The following ZFYVE9 variants were observed in gnomAD, a reference collection of about 807,000 sequenced individuals.
ZFYVE9 encodes zinc finger FYVE domain-containing protein 9.
ZFYVE9 carries 43 observed loss-of-function variants against 126.7 expected under a neutral mutation model. The ratio of observed to expected loss-of-function variants is 0.34; its 90% CI spans 0.27 to 0.44. The LOEUF is 0.44. Among genes scored for constraint, ZFYVE9 ranks in the 20% least tolerant of loss-of-function variants. The pLI, the probability that ZFYVE9 is intolerant of heterozygous loss-of-function variation, is 1.00. For synonymous variants in ZFYVE9, 521 were observed against 597.4 expected (o/e 0.87, Z 1.87); for missense variants, 1,476 against 1,697.0 (o/e 0.87, Z 2.29).
chr1:52,192,232 G>A (rs546175349), intron 1 of ZFYVE9, among the ~76,000 whole-genome samples: 1 of 152,264 alleles, frequency 6.6e-6, no homozygotes, highest in Non-Finnish European at 1.5e-5. Flanking sequence ...AAAAACATTT[G>A]AGTGCTTTTT....
intron 4 of ZFYVE9, among the ~76,000 whole-genome samples, chr1:52,244,535 A>C (rs1645365462): frequency 6.6e-6 from 1 of 152,190 alleles, no homozygotes; most frequent in South Asian, 2.1e-4. Context: ...GTGAAGGGTG[A>C]AATAGGGATA....
chr1:52,155,986 A>G (rs1444914983), intron 1 of ZFYVE9, among the ~76,000 whole-genome samples: 1 of 152,182 alleles, frequency 6.6e-6, no homozygotes, highest in Non-Finnish European at 1.5e-5. Context: ...TACCCCACCA[A>G]GTTCTTCAGT....
chr1:52,198,123 T>TA (rs1557451580), intron 1 of ZFYVE9, among the ~76,000 whole-genome samples: 1 of 119,604 alleles, frequency 8.4e-6, no homozygotes, highest in African/African-American at 3.4e-5. Flanking sequence ...TTTTTTTGTT[T>TA]GTTTTTTTTT....
intron 1 of ZFYVE9, among the ~76,000 whole-genome samples, chr1:52,176,754 C>G (rs2124532792): frequency 6.6e-6 from 1 of 152,332 alleles, no homozygotes. Context: ...GGCTGCTGTG[C>G]TAGCAATCAG....
At chr1:52,170,429 T>C (rs1489694311) in intron 1 of ZFYVE9, among the ~76,000 whole-genome samples, 1 of 152,158 alleles carries the variant, frequency 6.6e-6, no homozygotes, top group African/African-American at 2.4e-5. Context: ...CATTGATCTT[T>C]TGTATTGTTT....
chr1:52,164,633 T>TGTCC, intron 1 of ZFYVE9, among the ~76,000 whole-genome samples: 1 of 151,876 alleles, frequency 6.6e-6, no homozygotes, highest in East Asian at 1.9e-4. Context: ...TATATATCTT[T>TGTCC]GTCCGTCCGT....
At chr1:52,272,977 T>C (rs773728273) in intron 7 of ZFYVE9, among the ~76,000 whole-genome samples, 4 of 149,952 alleles carry the variant, frequency 2.7e-5, no homozygotes, top group Admixed American at 6.6e-5. Flanking sequence ...AATATTGTTA[T>C]ACATGTTAAA....
Position 52,325,050 on chromosome 1 carries a change from C to T in ZFYVE9, c.3439-7718C>T, listed in dbSNP as rs1452909843. Among the ~76,000 whole-genome samples, 10 of 152,086 alleles carry T rather than the reference C, an allele frequency of 6.6e-5. No homozygotes were observed. The South Asian group carries it at 1.2e-3, about 19-fold the overall frequency. ...ATCCCAACACTTTGGGAGGCTGAGG[C>T]GGGCGGATCATGAGGTCAGGAGATC... On this transcript the variant is annotated intron_variant, in intron 13 of 18. Transcript: ENST00000287727.
At chr1:52,155,844 TGCA>T (rs1572060317) in intron 1 of ZFYVE9, among the ~76,000 whole-genome samples, 1 of 152,332 alleles carries the variant, frequency 6.6e-6, no homozygotes, top group East Asian at 1.9e-4. Context: ...GGATGCAAGA[TGCA>T]GCAATTTGTC....
chr1:52,237,363 G>A (rs1008732295), intron 3 of ZFYVE9, 125 bp from the exon 4 acceptor site: 37 of 887,034 alleles, frequency 4.2e-5, no homozygotes, highest in South Asian at 1.9e-4. Flanking sequence ...TTTTAGCCCC[G>A]AATTAGAAAT....
chr1:52,269,884 C>A (rs1557492105), intron 7 of ZFYVE9, among the ~76,000 whole-genome samples: 1 of 151,946 alleles, frequency 6.6e-6, no homozygotes, highest in Non-Finnish European at 1.5e-5. Flanking sequence ...ACGTCCCAGG[C>A]TCAAGCAATC....
intron 7 of ZFYVE9, among the ~76,000 whole-genome samples, chr1:52,272,787 G>A (rs1306216327): frequency 1.4e-5 from 2 of 147,498 alleles, no homozygotes; most frequent in South Asian, 2.1e-4. Flanking sequence ...CTCCTGCCTC[G>A]GCCTCCCAAG....
intron 1 of ZFYVE9, among the ~76,000 whole-genome samples, chr1:52,193,856 G>A (rs1644837947): frequency 6.6e-6 from 1 of 152,042 alleles, no homozygotes; most frequent in African/African-American, 2.4e-5. Flanking sequence ...GTTAATGGGA[G>A]CATTCTTGGT....
At chr1:52,144,670 G>A (rs1289106983) in intron 1 of ZFYVE9, among the ~76,000 whole-genome samples, 1 of 150,764 alleles carries the variant, frequency 6.6e-6, no homozygotes, top group African/African-American at 2.4e-5. Context: ...CCAGCTCAAA[G>A]GATGTCATTT....
At chr1:52,338,299 A>T (rs538640923) in intron 16 of ZFYVE9, among the ~76,000 whole-genome samples, 141 of 152,364 alleles carry the variant, frequency 9.3e-4, no homozygotes, top group African/African-American at 3.3e-3. Context: ...TGAGTAAACA[A>T]GTACCAAAAG....
chr1:52,183,750 C>T (rs1391357105), intron 1 of ZFYVE9, among the ~76,000 whole-genome samples: 1 of 152,222 alleles, frequency 6.6e-6, no homozygotes, highest in Non-Finnish European at 1.5e-5. Flanking sequence ...AGGCAATCCA[C>T]CCGCCTCGGC....
chr1:52,238,093 G>C lies in ZFYVE9; in HGVS notation c.676G>C (p.Val226Leu), dbSNP rs773422957. The stretch of plus-strand genomic sequence containing the variant: ...TAGACCGAAAACAGAGGGGAGATCT[G>C]TTAACCATCTGTGTCCTACTTCATC... ...LNRPKTEGRS[V>L]NHLCPTSSDS... The change falls in exon 4 of 19, where the codon GTT becomes CTT. Residue 226 changes from valine (V) to leucine (L), a missense_variant. Transcript: ENST00000287727. 9 of 1,613,932 alleles carry C rather than the reference G, an allele frequency of 5.6e-6. No homozygotes were observed. The East Asian group carries it at 1.8e-4, about 32-fold the overall frequency.
rs1011649216 is a variant in ZFYVE9, at chr1:52,322,728, C to T, written c.3439-10040C>T. Among the ~76,000 whole-genome samples, 8 of 152,012 alleles carry T rather than the reference C, an allele frequency of 5.3e-5. No individual in the cohort carries two copies. The East Asian group carries it at 1.6e-3, about 30-fold the overall frequency. On this transcript the variant is annotated intron_variant, in intron 13 of 18. Coordinates refer to ENST00000287727, the MANE Select transcript of ZFYVE9 (RefSeq NM_004799.4). ...TATCACTCCTCTGCTTAAAACCTTC[C>T]ACAGATTTTTCATCCCAATCAGAAT...
intron 4 of ZFYVE9, chr1:52,252,326 GTTGT>G (rs1234979409): frequency 1.3e-5 from 2 of 156,854 alleles, no homozygotes; most frequent in South Asian, 1.9e-4. Context: ...TGTTGTTGTT[GTTGT>G]TTGTTTTGGG....
Sources: allele counts gnomAD v4.1 joint callset (sites outside exome capture counted in the v4.1 genomes callset), GRCh38; gene constraint gnomAD v4.1.1; transcripts MANE v1.5; gene names NCBI Gene and HGNC (gene_info 2026-07-23, HGNC 2026-07-21).